KAZN: variants seen among roughly 807,000 people sequenced by gnomAD.
The protein encoded by KAZN is kazrin.
In KAZN, 40 loss-of-function variants were observed where a neutral mutation model predicts 87.4. The ratio of observed to expected loss-of-function variants is 0.46; its 90% CI spans 0.36 to 0.60. The LOEUF (loss-of-function observed/expected upper bound fraction) is 0.60. Ranked by LOEUF, KAZN falls within the 20% of genes least tolerant of loss-of-function variation. The probability of loss-of-function intolerance (pLI) is 0.00; values close to 1 mark genes in which losing one functional copy is unlikely to be tolerated. For synonymous variants in KAZN, 466 were observed against 458.3 expected (o/e 1.02, Z -0.22); for missense variants, 898 against 1,073.9 (o/e 0.84, Z 2.29).
intron 2 of KAZN, among the ~76,000 whole-genome samples, chr1:14,229,323 CAA>C (rs1489839101): frequency 6.6e-6 from 1 of 152,044 alleles, no homozygotes; most frequent in African/African-American, 2.4e-5. Flanking sequence ...ATCTGTATTA[CAA>C]AAGTGTGTTT....
intron 1 of KAZN, among the ~76,000 whole-genome samples, chr1:13,915,765 G>C (rs1639829589): frequency 6.6e-6 from 1 of 152,140 alleles, no homozygotes; most frequent in African/African-American, 2.4e-5. Flanking sequence ...GCTTGAGCCT[G>C]GACTCAGCTC....
At chr1:13,968,254 A>C (rs6429815) in intron 1 of KAZN, among the ~76,000 whole-genome samples, 94,692 of 151,912 alleles carry the variant, frequency 0.62, 30,647 homozygotes, top group East Asian at 0.87. Context: ...ACTGAGGGAA[A>C]TGAGACCAAC....
At chr1:15,039,507 A>C (rs557091760) in intron 3 of KAZN, among the ~76,000 whole-genome samples, 1 of 152,294 alleles carries the variant, frequency 6.6e-6, no homozygotes, top group South Asian at 2.1e-4. Flanking sequence ...AACCATGGGT[A>C]GAGTGCTGGC....
intron 2 of KAZN, among the ~76,000 whole-genome samples, chr1:14,563,359 G>A (rs904579106): frequency 6.6e-6 from 1 of 152,154 alleles, no homozygotes; most frequent in African/African-American, 2.4e-5. Flanking sequence ...TGGCTCCATG[G>A]TGTGACCAGT....
At chr1:14,734,828 A>C (rs1260789460) in intron 1 of KAZN, among the ~76,000 whole-genome samples, 1 of 152,152 alleles carries the variant, frequency 6.6e-6, no homozygotes, top group Non-Finnish European at 1.5e-5. Flanking sequence ...AGTCTCCTTC[A>C]TGGAACAGAC....
intron 1 of KAZN, among the ~76,000 whole-genome samples, chr1:14,157,114 G>A (rs947913391): frequency 2.0e-5 from 3 of 152,032 alleles, no homozygotes; most frequent in Admixed American, 1.3e-4. Context: ...CAAAAATACA[G>A]CTAATAAGAA....
At chr1:14,837,696 C>T (rs868510257) in intron 1 of KAZN, among the ~76,000 whole-genome samples, 10 of 151,772 alleles carry the variant, frequency 6.6e-5, no homozygotes, top group South Asian at 4.2e-4. Context: ...GGCAGATAGG[C>T]ATGTGCCACC....
At chr1:14,368,969 G>A (rs950251242) in intron 2 of KAZN, among the ~76,000 whole-genome samples, 2 of 152,168 alleles carry the variant, frequency 1.3e-5, no homozygotes, top group Non-Finnish European at 2.9e-5. Context: ...GATCTTATCC[G>A]GGTCACCTTT....
rs538902693 is a variant in KAZN, at chr1:14,143,786, C to T, written c.92-36649C>T. On this transcript the variant is annotated intron_variant, in intron 1 of 16. Transcript: ENST00000636203. ...AGGCTGGAGTACAGTGGTGTGATCTCGGCTCACCACAGCCTCGACCTCCTA... is the reference window on the plus strand; with the variant it reads ...AGGCTGGAGTACAGTGGTGTGATCTTGGCTCACCACAGCCTCGACCTCCTA... 1.3e-4 allele frequency among the ~76,000 whole-genome samples: 19 copies of T among 150,206 alleles called. 1 individual carries two copies. The South Asian group carries it at 2.3e-3, about 18-fold the overall frequency.
At chr1:14,873,023 G>A (rs147246057) in intron 1 of KAZN, among the ~76,000 whole-genome samples, 1 of 151,264 alleles carries the variant, frequency 6.6e-6, no homozygotes, top group African/African-American at 2.4e-5. Flanking sequence ...TGGATGGATG[G>A]GTGGGTGGAT....
chr1:15,098,076 A>G (rs547096879), intron 10 of KAZN, among the ~76,000 whole-genome samples: 2 of 152,290 alleles, frequency 1.3e-5, no homozygotes, highest in Non-Finnish European at 2.9e-5. Flanking sequence ...CCCGTTTTAC[A>G]GAGGAGAAAA....
At chr1:14,849,405 A>C (rs1649168273) in intron 1 of KAZN, among the ~76,000 whole-genome samples, 1 of 152,208 alleles carries the variant, frequency 6.6e-6, no homozygotes, top group Non-Finnish European at 1.5e-5. Context: ...AGTGTTTACT[A>C]CGTTCCGGGC....
At chr1:14,975,726 G>A (rs1340423672) in intron 2 of KAZN, among the ~76,000 whole-genome samples, 2 of 152,102 alleles carry the variant, frequency 1.3e-5, no homozygotes, top group African/African-American at 4.8e-5. Flanking sequence ...CCTACTGGGA[G>A]GTGGAAATTA....
chr1:14,801,048 CAAA>C lies in KAZN; in HGVS notation c.227-159624_227-159622del, dbSNP rs34894690. Reference sequence around the variant, plus strand: ...ATTTTATGATCGATGAACTTTATCTCAAAAAAAAAAAAAAGAAATACGTGGGAG... The same window carrying C: ...ATTTTATGATCGATGAACTTTATCTCAAAAAAAAAAAGAAATACGTGGGAG... On this transcript the variant is annotated intron_variant, in intron 1 of 14. Transcript: ENST00000376030. 1.7e-3 allele frequency among the ~76,000 whole-genome samples: 216 copies of C among 128,804 alleles called. 2 individuals are homozygous for C. The highest frequency in any genetic ancestry group is 5.8e-3 in the African/African-American group (203 of 34,808). The allele number at this position is 128,804 out of a possible 152,430, so 84.5% of individuals were successfully genotyped here.
chr1:14,056,301 G>A (rs2101491009), intron 1 of KAZN, among the ~76,000 whole-genome samples: 1 of 152,342 alleles, frequency 6.6e-6, no homozygotes, highest in South Asian at 2.1e-4. Context: ...TGGTTTGGTA[G>A]GATGATGTAA....
chr1:14,304,939 C>T (rs1322938794), intron 2 of KAZN, among the ~76,000 whole-genome samples: 2 of 141,198 alleles, frequency 1.4e-5, no homozygotes, highest in Non-Finnish European at 3.0e-5. Context: ...GCAGCCAAAG[C>T]TAGTTTTTTT....
rs979302812 is a variant in KAZN, at chr1:15,115,449, T to G, written c.*814T>G. 1.3e-5 allele frequency: 2 copies of G among 152,190 alleles called. No individual in the cohort carries two copies. Among genetic ancestry groups the G allele is most frequent in the African/African-American group, 2.4e-5 (1 of 41,424 alleles). 9.4% of individuals were successfully genotyped at this position (152,190 alleles called of 1,614,324 possible). A position where few individuals can be genotyped will look rare whatever the true frequency, so the allele number is the denominator to read the frequency against. On this transcript the variant is annotated 3_prime_UTR_variant, in exon 15 of 15. Transcript: ENST00000376030. This position sits in a 1 kb window ranked among gnomAD's most constrained non-coding sequence, Gnocchi z 4.1. ...GACCGACGGCCCCATATGGTGAATCTCTGGCCTGTGGTTTGGCTTTACTGA... is the reference window on the plus strand; with the variant it reads ...GACCGACGGCCCCATATGGTGAATCGCTGGCCTGTGGTTTGGCTTTACTGA...
rs1041708546 is a variant in KAZN, at chr1:14,527,566, C to A, written c.250-71417C>A. On this transcript the variant is annotated intron_variant, in intron 2 of 16. Coordinates refer to the KAZN transcript ENST00000636203. The stretch of plus-strand genomic sequence containing the variant: ...TCTGTCTCCAAAAAAAAAAAAAAAA[C>A]GATACAGGTTTATCTGGCTCATGGT... Among the ~76,000 whole-genome samples, 12 of 130,988 alleles carry A rather than the reference C, an allele frequency of 9.2e-5. 1 individual carries two copies. The highest frequency in any genetic ancestry group is 1.6e-4 in the Non-Finnish European group (10 of 60,958). 85.9% of individuals were successfully genotyped at this position (130,988 alleles called of 152,430 possible).
chr1:14,913,837 A>G (rs1375273152), intron 1 of KAZN, among the ~76,000 whole-genome samples: 5 of 152,202 alleles, frequency 3.3e-5, no homozygotes, highest in Admixed American at 6.5e-5. Flanking sequence ...TTATGGGGAA[A>G]GCAGCCGCAG....
Sources: allele counts gnomAD v4.1 joint callset (sites outside exome capture counted in the v4.1 genomes callset), GRCh38; gene constraint gnomAD v4.1.1; non-coding constraint Gnocchi (gnomAD v3.1); transcripts MANE v1.5; gene names NCBI Gene and HGNC (gene_info 2026-07-23, HGNC 2026-07-21).